The following MRPS35 variants were observed in gnomAD, a reference collection of about 807,000 sequenced individuals.
MRPS35 encodes small ribosomal subunit protein mS35.
Under a neutral mutation model 32.7 loss-of-function variants are expected in MRPS35, and 29 were observed. The observed-to-expected ratio is 0.89, with a 90% confidence interval of 0.66 to 1.21. The LOEUF is 1.21. Ranked by LOEUF, MRPS35 falls within the 50% of genes most tolerant of loss-of-function variation. MRPS35 has a pLI of 0.00. For missense variants in MRPS35, 373 were observed against 383.8 expected (o/e 0.97, Z 0.23); for synonymous variants, 148 against 139.3 (o/e 1.06, Z -0.44).
intron 7 of MRPS35, among the ~76,000 whole-genome samples, chr12:27,751,102 CAAAAAAAAAAA>C (rs71438703): frequency 5.2e-5 from 2 of 38,134 alleles, no homozygotes; most frequent in African/African-American, 2.3e-4. Context: ...GACTCCATCT[CAAAAAAAAAAA>C]AAAAAAAAAA....
rs762417368 is a variant in MRPS35, at chr12:27,710,863, C to T, written c.20C>T (p.Pro7Leu). Residue 7 changes from proline to leucine, a missense_variant, in exon 1 of 8, where the codon CCA (proline) becomes CTA (leucine). By Grantham distance (98) the Pro-to-Leu change is moderately conservative. Coordinates refer to ENST00000081029, the MANE Select transcript of MRPS35 (RefSeq NM_021821.4). The stretch of plus-strand genomic sequence containing the variant: ...GCAGCCATGGCGGCCGCCGCGCTCC[C>T]AGCATGGCTGTCTCTGCAGTCGAGG... MAAAAL[P>L]AWLSLQSRAR... 5 of 1,609,516 alleles carry T rather than the reference C, an allele frequency of 3.1e-6. No individual in the cohort carries two copies. Among genetic ancestry groups the T allele is most frequent in the South Asian group, 2.2e-5 (2 of 91,042 alleles).
intron 3 of MRPS35, among the ~76,000 whole-genome samples, chr12:27,718,425 CATT>C (rs1001217456): frequency 6.6e-6 from 1 of 152,068 alleles, no homozygotes; most frequent in Admixed American, 6.5e-5. Flanking sequence ...AAACAAAAAA[CATT>C]ATTTTCTGAT....
intron 7 of MRPS35, among the ~76,000 whole-genome samples, chr12:27,744,815 G>C (rs1273206557): frequency 6.6e-6 from 1 of 152,174 alleles, no homozygotes; most frequent in Non-Finnish European, 1.5e-5. Context: ...GTTCTAAAAA[G>C]TGGACCTGTG....
At position 27,719,851 on chromosome 12, in the gene MRPS35, A is replaced by G. The variant is rs200802117; in HGVS notation, c.365A>G (p.His122Arg). Residue 122 changes from histidine to arginine, a missense_variant, in exon 4 of 8, where the codon CAC becomes CGC. Transcript: ENST00000081029. ...TTGACTCCTGTAGCAATTAAAAAGCACTGTGAAGCCCTTAAAGGTAAGTGG... is the reference window on the plus strand; with the variant it reads ...TTGACTCCTGTAGCAATTAAAAAGCGCTGTGAAGCCCTTAAAGGTAAGTGG... ...LHLTPVAIKK[H>R]CEALKDFCTE... 45 of 1,607,678 alleles carry G rather than the reference A, an allele frequency of 2.8e-5. No individual in the cohort carries two copies. In the East Asian group the frequency reaches 8.5e-4, roughly 30 times the overall value.
intron 5 of MRPS35, among the ~76,000 whole-genome samples, chr12:27,727,086 G>A (rs991134249): frequency 6.7e-6 from 1 of 148,886 alleles, no homozygotes; most frequent in Non-Finnish European, 1.5e-5. Context: ...TCAGCCTCCC[G>A]AGTAGCTAGA....
intron 7 of MRPS35, among the ~76,000 whole-genome samples, chr12:27,746,752 G>A (rs1200737257): frequency 6.6e-6 from 1 of 152,170 alleles, no homozygotes; most frequent in Non-Finnish European, 1.5e-5. Context: ...AGTGGCTGAA[G>A]TAATAAATTT....
At chr12:27,728,975 A>G (rs1333835481) in intron 5 of MRPS35, among the ~76,000 whole-genome samples, 2 of 152,186 alleles carry the variant, frequency 1.3e-5, no homozygotes, top group African/African-American at 4.8e-5. Context: ...CATTCTCAGT[A>G]TGCTGAAATT....
In MRPS35 at chr12:27,755,487, T is replaced by C; in HGVS notation, c.*37T>C. On this transcript the variant is annotated 3_prime_UTR_variant, in exon 8 of 8. Transcript: ENST00000081029. Reference sequence around the variant, plus strand: ...GAAAAATCTGCTTGATTTATTAATTTTATGATATATGTGATCAGTATCTAA... The same window carrying C: ...GAAAAATCTGCTTGATTTATTAATTCTATGATATATGTGATCAGTATCTAA... 1 of 1,470,440 alleles carries C rather than the reference T, an allele frequency of 6.8e-7. No homozygotes were observed. The highest frequency in any genetic ancestry group is 1.5e-5 in the South Asian group (1 of 67,154). The allele number at this position is 1,470,440 out of a possible 1,614,324, so 91.1% of individuals were successfully genotyped here. A position where few individuals can be genotyped will look rare whatever the true frequency, so the allele number is the denominator to read the frequency against.
chr12:27,728,905 C>G (rs1488111775), intron 5 of MRPS35, among the ~76,000 whole-genome samples: 1 of 152,118 alleles, frequency 6.6e-6, no homozygotes, highest in East Asian at 1.9e-4. Context: ...GGCAAGAATA[C>G]TTTATAGATA....
chr12:27,710,931 A>G lies in MRPS35; in HGVS notation c.88A>G (p.Thr30Ala), dbSNP rs779716761. 1.1e-5 allele frequency: 18 copies of G among 1,612,818 alleles called. No homozygotes were observed. The East Asian group carries it at 3.1e-4, about 28-fold the overall frequency. ...ATTCTCCACTGCCGTCTACTCGGCCACTCCGGTCCCGACACCTAGCCTGCG... is the reference window on the plus strand; with the variant it reads ...ATTCTCCACTGCCGTCTACTCGGCCGCTCCGGTCCCGACACCTAGCCTGCG... The part of the protein sequence containing the change: ...RAFSTAVYSA[T>A]PVPTPSLPER... Residue 30 changes from threonine to alanine, a missense_variant, in exon 1 of 8, where the codon ACT (threonine) becomes GCT (alanine). By Grantham distance (58) the Thr-to-Ala change is moderately conservative. Coordinates refer to ENST00000081029, the MANE Select transcript of MRPS35 (RefSeq NM_021821.4).
chr12:27,712,878 C>A (rs973418076), intron 1 of MRPS35, among the ~76,000 whole-genome samples: 1 of 152,126 alleles, frequency 6.6e-6, no homozygotes, highest in Non-Finnish European at 1.5e-5. Flanking sequence ...ATTAGCCAGA[C>A]GTGGTGGCCC....
chr12:27,724,334 T>C (rs2061890717), intron 5 of MRPS35, 148 bp downstream of exon 5: 1 of 590,710 alleles, frequency 1.7e-6, no homozygotes, highest in Admixed American at 4.2e-5. Context: ...AGCCCAGGAA[T>C]TTGACGCCAG....
In MRPS35 at chr12:27,751,702, AC is replaced by A. The variant is rs558954740; in HGVS notation, c.703-3477del. 4.1e-3 allele frequency among the ~76,000 whole-genome samples: 625 copies of A among 152,260 alleles called. 1 individual carries two copies. Among genetic ancestry groups the A allele is most frequent in the Admixed American group, 8.6e-3 (131 of 15,298 alleles). ...TTTGGCTGTCTCTCTTTCTCTGGGC[AC>A]CAGTGCCTGCACAAGAGCCATGTTG... On this transcript the variant is annotated intron_variant, in intron 7 of 7. Coordinates refer to ENST00000081029, the MANE Select transcript of MRPS35 (RefSeq NM_021821.4).
chr12:27,734,137 C>T (rs2061933262), intron 5 of MRPS35, among the ~76,000 whole-genome samples: 1 of 151,846 alleles, frequency 6.6e-6, no homozygotes, highest in Non-Finnish European at 1.5e-5. Flanking sequence ...TTTTTTTCTT[C>T]TTGATATAGT....
chr12:27,729,304 A>T (rs1053655071), intron 5 of MRPS35, among the ~76,000 whole-genome samples: 1 of 152,100 alleles, frequency 6.6e-6, no homozygotes, highest in South Asian at 2.1e-4. Context: ...GCCAGTGGAC[A>T]GTGGTGTTTA....
Position 27,737,561 on chromosome 12 carries a change from T to TA in MRPS35, c.656dup (p.Tyr219Ter), listed in dbSNP as rs1194797676. Residue 219 changes from tyrosine (Y) to a stop codon, truncating the protein, a stop_gained and frameshift_variant, in exon 7 of 8, where the codon TAC (tyrosine) becomes TAAC (stop). Transcript: ENST00000081029. LOFTEE classifies it low-confidence loss of function (END_TRUNC). The stretch of plus-strand genomic sequence containing the variant: ...TAGGTGCCCTTTAAGGAGGCAGAAT[T>TA]ACGATTATGCAGTGTATCTACTAAC... The part of the protein sequence containing the change: ...TDRCPLRRQN[Y>*]DYAVYLLTVL... 6.2e-7 allele frequency: 1 copy of TA among 1,612,314 alleles called. No homozygotes were observed.
chr12:27,735,610 C>T (rs1352938577), intron 6 of MRPS35, 54 bp downstream of exon 6: 6 of 1,308,570 alleles, frequency 4.6e-6, no homozygotes, highest in Admixed American at 1.9e-5. Flanking sequence ...CATTGTCCTC[C>T]AATTCCTTGG....
At position 27,710,927 on chromosome 12, in the gene MRPS35, G is replaced by C. The variant is rs145435105; in HGVS notation, c.84G>C (p.Ser28=). The change falls in exon 1 of 8, where the codon TCG becomes TCC. Residue 28 remains serine (S), a synonymous_variant. Coordinates refer to ENST00000081029, the MANE Select transcript of MRPS35 (RefSeq NM_021821.4). ...GTGCATTCTCCACTGCCGTCTACTC[G>C]GCCACTCCGGTCCCGACACCTAGCC... The part of the protein sequence containing the change: ...TLRAFSTAVY[S]ATPVPTPSLP... The C allele has an allele frequency of 2.7e-5, 44 of 1,613,128 alleles. No homozygotes were observed. In the African/African-American group the frequency reaches 4.7e-4, roughly 17 times the overall value.
chr12:27,720,208 A>G (rs1454132713), intron 4 of MRPS35, among the ~76,000 whole-genome samples: 1 of 152,104 alleles, frequency 6.6e-6, no homozygotes, highest in African/African-American at 2.4e-5. Context: ...CCTGGCCAAC[A>G]TAGTGAAACC....
Sources: gnomAD v4.1 joint callset for allele counts (sites outside exome capture counted in the v4.1 genomes callset) on GRCh38, gnomAD v4.1.1 for gene constraint, MANE v1.5 for transcripts, NCBI Gene and HGNC (gene_info 2026-07-23, HGNC 2026-07-21) for gene names.